Variants in PTPRM observed in about 807,000 individuals in gnomAD.
The protein encoded by PTPRM is protein tyrosine phosphatase receptor type M.
PTPRM carries 47 observed loss-of-function variants against 186.7 expected under a neutral mutation model. The ratio of observed to expected loss-of-function variants is 0.25; its 90% CI spans 0.20 to 0.32. The LOEUF is 0.32. Among genes scored for constraint, PTPRM ranks in the 10% least tolerant of loss-of-function variants. The pLI is 1.00. For missense variants in PTPRM, 1,494 were observed against 1,865.0 expected (o/e 0.80, Z 3.66); for synonymous variants, 668 against 674.9 (o/e 0.99, Z 0.16).
Position 7,640,148 on chromosome 18 carries a change from A to G in PTPRM, c.73+72257A>G, listed in dbSNP as rs545433439. Among the ~76,000 whole-genome samples the G allele has an allele frequency of 1.1e-3, 167 of 152,310 alleles. 4 individuals are homozygous for G. In the South Asian group the frequency reaches 0.033, roughly 30 times the overall value. On this transcript the variant is annotated intron_variant, in intron 1 of 32. Coordinates refer to ENST00000580170, the MANE Select transcript of PTPRM (RefSeq NM_001105244.2). ...AAATCATACTTAAAATGAATTTCCT[A>G]TATCTTAGAATGTTAATAAAATATT... is the stretch of plus-strand genomic sequence containing the variant.
chr18:8,103,148 G>A (rs948266649), intron 11 of PTPRM, among the ~76,000 whole-genome samples: 1 of 152,180 alleles, frequency 6.6e-6, no homozygotes, highest in Non-Finnish European at 1.5e-5. Context: ...AGGCAGAGTA[G>A]GTTTAGCATG....
intron 2 of PTPRM, among the ~76,000 whole-genome samples, chr18:7,832,086 A>C (rs1265268182): frequency 6.6e-6 from 1 of 152,190 alleles, no homozygotes; most frequent in Admixed American, 6.5e-5. Context: ...TGCAACAAAC[A>C]TGGGAGTGCA....
At chr18:7,987,528 G>A (rs929149455) in intron 7 of PTPRM, among the ~76,000 whole-genome samples, 2 of 152,080 alleles carry the variant, frequency 1.3e-5, no homozygotes, top group Non-Finnish European at 2.9e-5. Flanking sequence ...CATGATCTGC[G>A]GTGAGTGGAG....
chr18:7,746,068 AG>A (rs1374698048), intron 1 of PTPRM, among the ~76,000 whole-genome samples: 13 of 152,324 alleles, frequency 8.5e-5, no homozygotes, highest in Middle Eastern at 3.4e-3. Flanking sequence ...AGGGGGATAA[AG>A]GCAATGTCTG....
At chr18:7,638,111 A>T (rs1234671863) in intron 1 of PTPRM, among the ~76,000 whole-genome samples, 1 of 152,190 alleles carries the variant, frequency 6.6e-6, no homozygotes, top group Admixed American at 6.5e-5. Flanking sequence ...CTGAAGACTG[A>T]TTAGTTGAAG....
intron 1 of PTPRM, among the ~76,000 whole-genome samples, chr18:7,744,328 A>C (rs2040941930): frequency 6.6e-6 from 1 of 151,940 alleles, no homozygotes; most frequent in Admixed American, 6.5e-5. Context: ...GAATCTAGGA[A>C]ACTGAAATGG....
At chr18:7,860,697 G>A (rs1401998221) in intron 2 of PTPRM, among the ~76,000 whole-genome samples, 3 of 152,148 alleles carry the variant, frequency 2.0e-5, no homozygotes, top group Admixed American at 6.5e-5. Flanking sequence ...TAAAAACAAG[G>A]TTTGTCCAGT....
chr18:8,045,625 A>G (rs2086994039), intron 7 of PTPRM, among the ~76,000 whole-genome samples: 1 of 152,182 alleles, frequency 6.6e-6, no homozygotes, highest in Non-Finnish European at 1.5e-5. Flanking sequence ...GAAAATCTGT[A>G]GAGGTGGGAG....
At chr18:7,872,279 A>G (rs2048021152) in intron 2 of PTPRM, among the ~76,000 whole-genome samples, 4 of 152,308 alleles carry the variant, frequency 2.6e-5, no homozygotes, top group African/African-American at 9.6e-5. Context: ...CAGACAAACA[A>G]TCCTTTGATT....
At chr18:7,675,015 G>C (rs1024482501) in intron 1 of PTPRM, among the ~76,000 whole-genome samples, 8 of 152,174 alleles carry the variant, frequency 5.3e-5, no homozygotes, top group African/African-American at 1.9e-4. Context: ...TGTGATTCTT[G>C]TAAAGAGTGT....
rs1198313879 is a variant in PTPRM at position 7,677,574 on chromosome 18, C to G, written c.74-96575C>G. On this transcript the variant is annotated intron_variant, in intron 1 of 32. Coordinates refer to ENST00000580170, the MANE Select transcript of PTPRM (RefSeq NM_001105244.2). ...TACTGATTGCACCCAAGACTGAGTT[C>G]TTGGTACACGTGGCTGGGCAAATTC... is the stretch of plus-strand genomic sequence containing the variant. Among the ~76,000 whole-genome samples the G allele has an allele frequency of 5.3e-5, 8 of 152,268 alleles. No homozygotes were observed. In the East Asian group the frequency reaches 5.8e-4, roughly 11 times the overall value.
chr18:8,232,446 A>G (rs1286715269), intron 14 of PTPRM, among the ~76,000 whole-genome samples: 1 of 152,214 alleles, frequency 6.6e-6, no homozygotes, highest in African/African-American at 2.4e-5. Flanking sequence ...TAAGTTTTCA[A>G]ATCCTTTGGG....
In PTPRM at chr18:8,376,450, C is replaced by G. The variant is rs761463764; in HGVS notation, c.3327-12C>G. On this transcript the variant is annotated splice_polypyrimidine_tract_variant and intron_variant, in intron 25 of 32. Transcript: ENST00000580170. ...CTTCTTCCTCCACTGACAGACCCCC[C>G]TTTTCATTCAGTGCTGGTGCAGGGA... The G allele has an allele frequency of 1.2e-6, 2 of 1,614,130 alleles. No individual in the cohort carries two copies. Among genetic ancestry groups the G allele is most frequent in the South Asian group, 2.2e-5 (2 of 91,074 alleles).
intron 14 of PTPRM, among the ~76,000 whole-genome samples, chr18:8,218,439 A>G (rs61705599): frequency 0.47 from 71,628 of 151,958 alleles, 17,362 homozygotes; most frequent in East Asian, 0.74. Context: ...AGCAGCAGGG[A>G]CACTGTGCCT....
At chr18:8,096,165 A>C (rs1408814252) in intron 11 of PTPRM, among the ~76,000 whole-genome samples, 2 of 152,152 alleles carry the variant, frequency 1.3e-5, no homozygotes, top group Non-Finnish European at 2.9e-5. Context: ...AGAGTGTGAA[A>C]TGCTTCTCTC....
chr18:7,897,789 T>G (rs2049443612), intron 3 of PTPRM, among the ~76,000 whole-genome samples: 1 of 152,190 alleles, frequency 6.6e-6, no homozygotes, highest in Non-Finnish European at 1.5e-5. Context: ...TAAGCCATGT[T>G]TTTGTCCTCT....
intron 7 of PTPRM, among the ~76,000 whole-genome samples, chr18:8,011,345 C>G (rs567340663): frequency 1.3e-5 from 2 of 152,260 alleles, no homozygotes; most frequent in East Asian, 3.9e-4. Context: ...AGCAGGGACT[C>G]TCTCCTGGAG....
intron 14 of PTPRM, among the ~76,000 whole-genome samples, chr18:8,161,356 G>C (rs1439317387): frequency 1.3e-5 from 2 of 152,058 alleles, no homozygotes; most frequent in African/African-American, 4.8e-5. Flanking sequence ...AGATCCTAAA[G>C]GTCATAGAAG....
chr18:7,952,588 C>T (rs1414118413), intron 6 of PTPRM, among the ~76,000 whole-genome samples: 2 of 150,306 alleles, frequency 1.3e-5, no homozygotes, highest in Non-Finnish European at 3.0e-5. Context: ...CCCAGCTACT[C>T]GGAAGGCTGA....
Sources: gnomAD v4.1 joint callset for allele counts (sites outside exome capture counted in the v4.1 genomes callset) on GRCh38, gnomAD v4.1.1 for gene constraint, MANE v1.5 for transcripts, NCBI Gene and HGNC (gene_info 2026-07-23, HGNC 2026-07-21) for gene names.